SSX3: variants seen among roughly 807,000 people sequenced by gnomAD.
SSX3 encodes the protein SSX family member 3.
A neutral mutation model predicts 14.8 loss-of-function variants in SSX3; 6 were observed. The observed-to-expected ratio is 0.41, with a 90% CI of 0.22 to 0.80. The LOEUF (loss-of-function observed/expected upper bound fraction) is 0.80. Ranked by LOEUF, SSX3 falls within the 30% of genes least tolerant of loss-of-function variation. The pLI is 0.34. For synonymous variants in SSX3, 55 were observed against 52.9 expected, an observed-to-expected ratio of 1.04 and a Z score of -0.18; for missense variants, 163 against 152.2, an observed-to-expected ratio of 1.07 and a Z score of -0.37.
At position 48,349,515 on chromosome X, in the gene SSX3, A is replaced by C. The variant is rs782543803; in HGVS notation, c.466+472T>G. ...AACATAACGTTTTATGCACTGTCAA[A>C]CAAAAAACAATGTGTGTGACTCACT... On this transcript the variant is annotated intron_variant, in intron 6 of 7. Transcript: ENST00000298396. 1.7e-5 allele frequency: 21 copies of C among 1,207,819 alleles called. No homozygotes were observed. In the South Asian group the frequency reaches 2.9e-4, roughly 16 times the overall value.
At chrX:48,349,445 T>C (rs1417428347) in intron 6 of SSX3, 2 of 1,007,324 alleles carry the variant, frequency 2.0e-6, no homozygotes, top group Non-Finnish European at 2.7e-6. Flanking sequence ...TATACATTTT[T>C]AGACATAATG....
chrX:48,347,554 G>T lies in SSX3; in HGVS notation c.517C>A (p.Gln173Lys). ...AWTHRLRERK[Q>K]LVIYEEISDP... is the part of the protein sequence containing the mutation. ...CTGATCTCTTCATAAATCACCAGCT[G>T]CTTTCTCTCACGCAGTCTGTGGGTC... The change falls in exon 7 of 8, where the codon CAG becomes AAG. Residue 173 changes from glutamine to lysine, a missense_variant. Physicochemically the swap from Gln to Lys is moderately conservative, Grantham distance 53. Transcript: ENST00000298396. 1.7e-6 allele frequency: 2 copies of T among 1,210,208 alleles called. No individual in the cohort carries two copies. The highest frequency in any genetic ancestry group is 2.2e-6 in the Non-Finnish European group (2 of 895,349).
rs145473130 is a variant in SSX3 at position 48,356,335 on chromosome X, G to A, written c.-21+299C>T. ...GTGATCATGGCTCACTGCAACCTCC[G>A]CCTCTTGGGTTCAGGCAATCCACCA... On this transcript the variant is annotated intron_variant, in intron 1 of 7. Transcript: ENST00000298396. Among the ~76,000 whole-genome samples the A allele has an allele frequency of 0.044, 4,891 of 109,988 alleles. 297 individuals are homozygous for A. The highest frequency in any genetic ancestry group is 0.16 in the African/African-American group (4,703 of 30,022).
rs782082013 is a variant in SSX3 at position 48,350,089 on chromosome X, C to T, written c.364G>A (p.Val122Ile). Reference protein sequence around the residue: ...MPKKPAEEGNVSKEVPEASGP... With the variant: ...MPKKPAEEGNISKEVPEASGP... ...GATGCTTCTGGCACTTCCTTCGAAA[C>T]ATTTCCTTCCTCTGCTGGCTTCTTG... Residue 122 changes from valine (V) to isoleucine (I), a missense_variant, in exon 6 of 8, where the codon GTT becomes ATT. Val to Ile is a conservative substitution (Grantham distance 29). Transcript: ENST00000298396. 7 of 1,211,962 alleles carry T rather than the reference C, an allele frequency of 5.8e-6. No homozygotes were observed. Among genetic ancestry groups the T allele is most frequent in the Non-Finnish European group, 3.3e-6 (3 of 895,574 alleles).
chrX:48,351,192 A>C (rs782800971), intron 5 of SSX3, among the ~76,000 whole-genome samples: 23 of 112,227 alleles, frequency 2.0e-4, no homozygotes, highest in Non-Finnish European at 1.7e-4. Flanking sequence ...AATAACAATT[A>C]ATACCTTTCA....
intron 6 of SSX3, chrX:48,349,428 T>G: frequency 1.2e-6 from 1 of 867,091 alleles, no homozygotes; most frequent in Non-Finnish European, 1.6e-6. Flanking sequence ...ATTTTAAAAT[T>G]AAGGTATATA....
intron 4 of SSX3, 103 bp downstream of exon 4, chrX:48,353,896 A>T (rs1253025082): frequency 1.6e-5 from 14 of 875,591 alleles, no homozygotes; most frequent in Non-Finnish European, 2.0e-5. Context: ...CTCTGCCCCG[A>T]TGTGTATGAG....
At chrX:48,348,536 T>C (rs12843186) in intron 6 of SSX3, 5 of 464,938 alleles carry the variant, frequency 1.1e-5, no homozygotes, top group South Asian at 3.1e-5. Context: ...TCGCATGCCT[T>C]TCACTCTAAA....
rs782704338 is a variant in SSX3 at position 48,354,082 on chromosome X, A to G, written c.197T>C (p.Ile66Thr). 2.0e-5 allele frequency: 24 copies of G among 1,205,122 alleles called. 1 individual carries two copies. The South Asian group carries it at 2.5e-4, about 12-fold the overall frequency. ...EAMTKLGFKA[I>T]LPSFMRNKRV... Reference sequence around the variant, plus strand: ...TTTATTACGCATGAAAGATGGGAGGATGGCCTTGAAACCTAGAAAGAAGCA... The same window carrying G: ...TTTATTACGCATGAAAGATGGGAGGGTGGCCTTGAAACCTAGAAAGAAGCA... Residue 66 changes from isoleucine (I) to threonine (T), a missense_variant, in exon 4 of 8, where the codon ATC (isoleucine) becomes ACC (threonine). Ile to Thr is a moderately conservative substitution (Grantham distance 89). Transcript: ENST00000298396.
chrX:48,355,919 G>A (rs1556950953), intron 1 of SSX3, among the ~76,000 whole-genome samples: 1 of 112,017 alleles, frequency 8.9e-6, no homozygotes, highest in East Asian at 2.8e-4. Context: ...GCTCAGGCCT[G>A]TAATCCCAGC....
In SSX3 at chrX:48,354,710, C is replaced by T; in HGVS notation, c.106G>A (p.Glu36Lys). The T allele has an allele frequency of 1.7e-6, 2 of 1,206,549 alleles. No homozygotes were observed. The highest frequency in any genetic ancestry group is 1.1e-6 in the Non-Finnish European group (1 of 893,199). Residue 36 changes from glutamate to lysine, a missense_variant, in exon 3 of 8, where the codon GAG (glutamate) becomes AAG (lysine). Coordinates refer to ENST00000298396, the MANE Select transcript of SSX3 (RefSeq NM_021014.4). ...TCCGAGACTTTCATCTTTTCCCACT[C>T]TTCCTTAGAGAAGTATTTGGCAATA... ...DDIAKYFSKE[E>K]WEKMKVSEKI...
intron 4 of SSX3, 39 bp downstream of exon 4, chrX:48,353,960 C>T (rs2061274168): frequency 8.5e-7 from 1 of 1,169,631 alleles, no homozygotes; most frequent in African/African-American, 1.8e-5. Flanking sequence ...AGCAATTGGG[C>T]TTGAGGAGAC....
intron 5 of SSX3, 125 bp from the exon 6 acceptor site, chrX:48,350,247 C>G: frequency 9.6e-7 from 1 of 1,039,253 alleles, no homozygotes; most frequent in Non-Finnish European, 1.3e-6. Flanking sequence ...GAGAGTTACA[C>G]AGGCCTAAAT....
rs145941341 is a variant in SSX3, at chrX:48,347,592, C to G, written c.479G>C (p.Gly160Ala). Residue 160 changes from glycine to alanine, a missense_variant, in exon 7 of 8, where the codon GGG becomes GCG. Transcript: ENST00000298396. ...KINMISGPKR[G>A]EHAWTHRLRE... ...CAGTCTGTGGGTCCAGGCATGTTCC[C>G]CCCTTTTGGGTCCTATGATGGAGAA... The G allele has an allele frequency of 4.8e-3, 5,792 of 1,208,027 alleles. 13 individuals carry two copies. Among genetic ancestry groups the G allele is most frequent in the Middle Eastern group, 0.019 (59 of 3,112 alleles).
In SSX3 at chrX:48,354,750, C is replaced by CAAAA; in HGVS notation, c.70-8_70-5dup. 4.7e-6 allele frequency: 5 copies of CAAAA among 1,069,704 alleles called. No homozygotes were observed. The highest frequency in any genetic ancestry group is 4.0e-5 in the South Asian group (2 of 49,564). 88.2% of individuals were successfully genotyped at this position (1,069,704 alleles called of 1,213,427 possible). A position where few individuals can be genotyped will look rare whatever the true frequency, so the allele number is the denominator to read the frequency against. ...ATTTGGCAATATCATCGAAGGCCTA[C>CAAAA]AAAAAAAAAAAAAAGGAATTATGGC... On this transcript the variant is annotated splice_region_variant and splice_polypyrimidine_tract_variant and intron_variant, in intron 2 of 7. Coordinates refer to ENST00000298396, the MANE Select transcript of SSX3 (RefSeq NM_021014.4).
Position 48,354,106 on chromosome X carries a change from C to T in SSX3, c.185-12G>A. On this transcript the variant is annotated splice_polypyrimidine_tract_variant and intron_variant, in intron 3 of 7. Transcript: ENST00000298396. ...GATGGCCTTGAAACCTAGAAAGAAG[C>T]AAAATGTTTATTCCTTAAGAGACAA... The T allele has an allele frequency of 2.5e-6, 3 of 1,185,145 alleles. No homozygotes were observed. Among genetic ancestry groups the T allele is most frequent in the Non-Finnish European group, 3.4e-6 (3 of 872,836 alleles).
rs782533096 is a variant in SSX3, at chrX:48,354,044, A to G, written c.235T>C (p.Phe79Leu). 9.9e-6 allele frequency: 12 copies of G among 1,207,442 alleles called. No homozygotes were observed. The African/African-American group carries it at 1.8e-4, about 18-fold the overall frequency. Residue 79 changes from phenylalanine to leucine, a missense_variant, in exon 4 of 8, where the codon TTC becomes CTC. By Grantham distance (22) the Phe-to-Leu change is conservative. Transcript: ENST00000298396. ...SFMRNKRVTDFQGNDFDNDPN... is the reference protein window; with the variant it reads ...SFMRNKRVTDLQGNDFDNDPN... The stretch of plus-strand genomic sequence containing the variant: ...TCATTATCAAAATCATTCCCCTGGA[A>G]GTCTGTGACCCGTTTATTACGCATG...
chrX:48,348,870 C>T (rs1280260132), intron 6 of SSX3, among the ~76,000 whole-genome samples: 1 of 112,099 alleles, frequency 8.9e-6, no homozygotes, highest in Non-Finnish European at 1.9e-5. Flanking sequence ...TCTTCAAATC[C>T]ATGAAAGCTG....
Position 48,350,054 on chromosome X carries a change from T to C in SSX3, c.399A>G (p.Gln133=). The C allele has an allele frequency of 3.3e-6, 4 of 1,212,074 alleles. No homozygotes were observed. Among genetic ancestry groups the C allele is most frequent in the Non-Finnish European group, 4.5e-6 (4 of 895,557 alleles). ...GGGGGCACAGCTGTTTCCCATCGTTTTGTGGGCCAGATGCTTCTGGCACTT... is the reference window on the plus strand; with the variant it reads ...GGGGGCACAGCTGTTTCCCATCGTTCTGTGGGCCAGATGCTTCTGGCACTT... ...SKEVPEASGP[Q]NDGKQLCPPG... is the part of the protein sequence containing the mutation. The change falls in exon 6 of 8, where the codon CAA becomes CAG. Residue 133 remains glutamine, a synonymous_variant. Transcript: ENST00000298396.
Sources: gnomAD v4.1 joint callset for allele counts (sites outside exome capture counted in the v4.1 genomes callset) on GRCh38, gnomAD v4.1.1 for gene constraint, MANE v1.5 for transcripts, NCBI Gene and HGNC (gene_info 2026-07-23, HGNC 2026-07-21) for gene names.